Variants in KAZN observed in about 807,000 individuals in gnomAD.
KAZN encodes the protein kazrin, periplakin interacting protein.
In KAZN, 40 loss-of-function variants were observed where a neutral mutation model predicts 87.4. That is an observed-to-expected ratio of 0.46 (90% CI 0.36 to 0.60). The LOEUF is 0.60. Ranked by LOEUF, KAZN falls within the 20% of genes least tolerant of loss-of-function variation. KAZN has a pLI of 0.00. For missense variants in KAZN, 898 were observed against 1,073.9 expected (o/e 0.84, Z 2.29); for synonymous variants, 466 against 458.3 (o/e 1.02, Z -0.22).
chr1:14,717,243 T>C (rs1001323166), intron 1 of KAZN, among the ~76,000 whole-genome samples: 2 of 151,892 alleles, frequency 1.3e-5, no homozygotes, highest in Non-Finnish European at 2.9e-5. Flanking sequence ...CATGTGTCCA[T>C]TCAACAACCA....
intron 2 of KAZN, among the ~76,000 whole-genome samples, chr1:15,016,184 G>A (rs1014913970): frequency 5.9e-5 from 9 of 152,186 alleles, no homozygotes; most frequent in Admixed American, 2.6e-4. Flanking sequence ...GCCGACGGAC[G>A]CCAGGGACTG....
chr1:13,912,301 A>G (rs551729220), intron 1 of KAZN, among the ~76,000 whole-genome samples: 1 of 152,276 alleles, frequency 6.6e-6, no homozygotes, highest in East Asian at 1.9e-4. Context: ...TCCTTACTGA[A>G]ACTGCTTTAT....
At chr1:14,276,400 TGCCTTAACAAAG>T (rs1652359806) in intron 2 of KAZN, among the ~76,000 whole-genome samples, 2 of 152,248 alleles carry the variant, frequency 1.3e-5, no homozygotes, top group African/African-American at 4.8e-5. Context: ...TTTCTGGGAC[TGCCTTAACAAAG>T]TACCAAAAAC....
chr1:14,386,938 C>T (rs142162553), intron 2 of KAZN, among the ~76,000 whole-genome samples: 6,548 of 152,312 alleles, frequency 0.043, 198 homozygotes, highest in Non-Finnish European at 0.07. Context: ...CTCCCCGTCA[C>T]TTTCAGGTAC....
At chr1:14,897,903 G>A (rs142003828) in intron 1 of KAZN, among the ~76,000 whole-genome samples, 4 of 152,324 alleles carry the variant, frequency 2.6e-5, no homozygotes, top group Non-Finnish European at 4.4e-5. Flanking sequence ...CTCAGGAGCT[G>A]TCTGGGATCA....
chr1:14,722,230 C>A (rs1643153212), intron 1 of KAZN, among the ~76,000 whole-genome samples: 1 of 152,090 alleles, frequency 6.6e-6, no homozygotes. Flanking sequence ...GAAACAGTTA[C>A]ATTTAAGCAA....
chr1:15,012,450 G>T (rs556509276), intron 2 of KAZN, among the ~76,000 whole-genome samples: 176 of 152,300 alleles, frequency 1.2e-3, no homozygotes, highest in African/African-American at 3.7e-3. Context: ...GTACCTCACC[G>T]CTGGGTTGAT....
At chr1:14,731,681 G>A (rs571999579) in intron 1 of KAZN, among the ~76,000 whole-genome samples, 31 of 152,234 alleles carry the variant, frequency 2.0e-4, no homozygotes, top group Non-Finnish European at 7.3e-5. Context: ...CACACAGCTA[G>A]TGGGTAGCAG....
chr1:15,001,732 C>T (rs1573028402), intron 2 of KAZN, among the ~76,000 whole-genome samples: 1 of 152,118 alleles, frequency 6.6e-6, no homozygotes, highest in Admixed American at 6.6e-5. Flanking sequence ...CGACCTCACC[C>T]AGAGGCAGTG....
intron 1 of KAZN, among the ~76,000 whole-genome samples, chr1:14,612,817 T>G (rs1490389997): frequency 2.0e-5 from 3 of 152,214 alleles, no homozygotes; most frequent in Non-Finnish European, 4.4e-5. Context: ...CATTCCCTGC[T>G]TGGGATCTGC....
At chr1:14,837,636 T>G (rs1647421223) in intron 1 of KAZN, among the ~76,000 whole-genome samples, 1 of 148,584 alleles carries the variant, frequency 6.7e-6, no homozygotes, top group Non-Finnish European at 1.5e-5. Flanking sequence ...CACTGCAGCC[T>G]CAACCTCCTA....
At chr1:14,875,195 A>G (rs1419946368) in intron 1 of KAZN, among the ~76,000 whole-genome samples, 1 of 151,904 alleles carries the variant, frequency 6.6e-6, no homozygotes, top group Non-Finnish European at 1.5e-5. Flanking sequence ...TCCCGGCATG[A>G]TGGTGCATGC....
intron 1 of KAZN, among the ~76,000 whole-genome samples, chr1:14,920,606 GA>G (rs1288370973): frequency 6.6e-6 from 1 of 152,156 alleles, no homozygotes; most frequent in African/African-American, 2.4e-5. Flanking sequence ...GGGGGTCTGG[GA>G]AGGTCTCCTG....
In KAZN at chr1:14,756,649, G is replaced by A. The variant is rs185680252; in HGVS notation, c.226+157426G>A. Among the ~76,000 whole-genome samples the A allele has an allele frequency of 3.3e-5, 5 of 152,272 alleles. No homozygotes were observed. The East Asian group carries it at 5.8e-4, about 18-fold the overall frequency. ...GTAGCACTGTTTATAAGGCAGCCTCGGACACCACTAGGTTCTGAAATGAAA... is the reference window on the plus strand; with the variant it reads ...GTAGCACTGTTTATAAGGCAGCCTCAGACACCACTAGGTTCTGAAATGAAA... On this transcript the variant is annotated intron_variant, in intron 1 of 14. Transcript: ENST00000376030.
chr1:13,919,097 T>G (rs1231224658), intron 1 of KAZN, among the ~76,000 whole-genome samples: 1 of 152,244 alleles, frequency 6.6e-6, no homozygotes, highest in Non-Finnish European at 1.5e-5. Context: ...ATCAGAAGTG[T>G]ACTATGGCTC....
intron 1 of KAZN, among the ~76,000 whole-genome samples, chr1:14,105,146 G>C (rs975040785): frequency 1.3e-5 from 2 of 152,152 alleles, no homozygotes; most frequent in Non-Finnish European, 2.9e-5. Context: ...CTGCTATCTG[G>C]GAGGGTCAGC....
Position 15,066,624 on chromosome 1 carries a change from C to G in KAZN, c.1222+871C>G. The stretch of plus-strand genomic sequence containing the variant: ...TTTGCACAAATGCTGAAAACTTATT[C>G]TATCTAAATTATTACATAAATATTG... On this transcript the variant is annotated intron_variant, in intron 8 of 14. Transcript: ENST00000376030. The surrounding 1 kb of genome is among the most constrained non-coding windows in gnomAD (Gnocchi z 4.3). The G allele has an allele frequency of 5.1e-6, 5 of 980,936 alleles. No individual in the cohort carries two copies. Among genetic ancestry groups the G allele is most frequent in the Non-Finnish European group, 6.1e-6 (5 of 825,900 alleles). 60.8% of individuals were successfully genotyped at this position (980,936 alleles called of 1,614,324 possible).
intron 1 of KAZN, among the ~76,000 whole-genome samples, chr1:14,055,510 T>A (rs1642511903): frequency 6.6e-6 from 1 of 152,190 alleles, no homozygotes; most frequent in African/African-American, 2.4e-5. Flanking sequence ...CAGAAATCTT[T>A]CCCCTGAGTC....
chr1:15,110,531 G>T (rs377709611), intron 13 of KAZN, among the ~76,000 whole-genome samples: 2,969 of 122,298 alleles, frequency 0.024, 118 homozygotes, highest in African/African-American at 0.086. Context: ...GTATGTGTTT[G>T]TGTGTGTGCA....
Sources: gnomAD v4.1 joint callset for allele counts (sites outside exome capture counted in the v4.1 genomes callset) on GRCh38, gnomAD v4.1.1 for gene constraint, Gnocchi (gnomAD v3.1) non-coding constraint, MANE v1.5 for transcripts, NCBI Gene and HGNC (gene_info 2026-07-23, HGNC 2026-07-21) for gene names.